CACNA1H: variants seen among roughly 807,000 people sequenced by gnomAD.
CACNA1H encodes the protein calcium voltage-gated channel subunit alpha1 H, also known as voltage-dependent T-type calcium channel subunit alpha-1H.
CACNA1H carries 149 observed loss-of-function variants against 192.5 expected under a neutral mutation model. That is an observed-to-expected ratio of 0.77 (90% CI 0.68 to 0.89). The LOEUF is 0.89. Ranked by LOEUF, CACNA1H falls within the 40% of genes least tolerant of loss-of-function variation. The pLI is 0.00. For missense variants in CACNA1H, 4,257 were observed against 3,423.5 expected (o/e 1.24, Z -6.08); for synonymous variants, 2,202 against 1,475.2 (o/e 1.49, Z -11.29).
intron 30 of CACNA1H, among the ~76,000 whole-genome samples, chr16:1,215,952 G>A (rs1266398831): frequency 1.3e-5 from 2 of 152,070 alleles, no homozygotes; most frequent in African/African-American, 4.8e-5. Context: ...TCGGCTGCGG[G>A]CCCGGGGCCC....
rs534568349 is a variant in CACNA1H, at chr16:1,171,224, ACCT to A, written c.299+17193_299+17195del. ...GCTCACCCCCGCGCCGCCCAGGATC[ACCT>A]CCTCGTGGGGAGGTCTCTCGGGCAG... On this transcript the variant is annotated intron_variant, in intron 2 of 34. Coordinates refer to ENST00000348261, the MANE Select transcript of CACNA1H (RefSeq NM_021098.3). Among the ~76,000 whole-genome samples, 122 of 151,440 alleles carry A rather than the reference ACCT, an allele frequency of 8.1e-4. 1 individual carries two copies. Among genetic ancestry groups the A allele is most frequent in the African/African-American group, 2.6e-3 (109 of 41,192 alleles).
intron 5 of CACNA1H, among the ~76,000 whole-genome samples, chr16:1,196,387 C>T (rs1043710841): frequency 2.6e-5 from 4 of 152,212 alleles, no homozygotes; most frequent in African/African-American, 7.2e-5. Context: ...CCTGGTGTGG[C>T]TCGTGGTGGA....
chr16:1,179,509 A>G lies in CACNA1H; in HGVS notation c.300-15463A>G, dbSNP rs1036572146. On this transcript the variant is annotated intron_variant, in intron 2 of 34. Coordinates refer to ENST00000348261, the MANE Select transcript of CACNA1H (RefSeq NM_021098.3). Reference sequence around the variant, plus strand: ...GCTGGTGTGATCTCGGCTCACCCCAATCTCCGCCTCCCGGGTTCAAGCGAT... The same window carrying G: ...GCTGGTGTGATCTCGGCTCACCCCAGTCTCCGCCTCCCGGGTTCAAGCGAT... Among the ~76,000 whole-genome samples the G allele has an allele frequency of 3.3e-5, 5 of 150,596 alleles. No homozygotes were observed. The East Asian group carries it at 5.9e-4, about 18-fold the overall frequency.
chr16:1,171,150 G>A (rs1964329440), intron 2 of CACNA1H, among the ~76,000 whole-genome samples: 1 of 152,128 alleles, frequency 6.6e-6, no homozygotes, highest in African/African-American at 2.4e-5. Flanking sequence ...CCGCACCCCT[G>A]GGGTGCTCTC....
At chr16:1,154,333 G>A (rs868339661) in intron 2 of CACNA1H, among the ~76,000 whole-genome samples, 3 of 152,160 alleles carry the variant, frequency 2.0e-5, no homozygotes, top group African/African-American at 7.2e-5. Flanking sequence ...GAGGAGTCGG[G>A]GAGGGAGGGA....
intron 2 of CACNA1H, among the ~76,000 whole-genome samples, chr16:1,192,196 C>T (rs1208215687): frequency 6.6e-6 from 1 of 152,234 alleles, no homozygotes; most frequent in Non-Finnish European, 1.5e-5. Context: ...CAGGCCCCCT[C>T]CTGGCTTCCC....
rs556759170 is a variant in CACNA1H, at chr16:1,195,362, G to A, written c.412-70G>A. 3.0e-5 allele frequency: 46 copies of A among 1,541,268 alleles called. 1 individual carries two copies. Among genetic ancestry groups the A allele is most frequent in the South Asian group, 1.8e-4 (15 of 83,582 alleles). The stretch of plus-strand genomic sequence containing the variant: ...GCAAGACTGGGGGCCGGGCTCTTGC[G>A]GGGCTGGGGTTGGGGGTTGTGGGCT... On this transcript the variant is annotated intron_variant, in intron 3 of 34. Transcript: ENST00000348261.
At chr16:1,208,311 C>G (rs1175813206) in intron 16 of CACNA1H, 90 bp downstream of exon 16, 1 of 885,588 alleles carries the variant, frequency 1.1e-6, no homozygotes, top group Admixed American at 2.3e-5. Flanking sequence ...GAGTGAGGGC[C>G]GCACCCCCCA....
chr16:1,219,496 A>G (rs1373527123), intron 34 of CACNA1H, among the ~76,000 whole-genome samples: 2 of 151,972 alleles, frequency 1.3e-5, no homozygotes, highest in East Asian at 3.9e-4. Flanking sequence ...CCATGTGGGC[A>G]TGGGTCCCGT....
In CACNA1H at chr16:1,221,712, G is replaced by A; in HGVS notation, c.*718G>A. On this transcript the variant is annotated 3_prime_UTR_variant, in exon 35 of 35. Transcript: ENST00000348261. ...GCAATAATCTGATGCAGAAGACTCAGCTTCTCAAGGGAGAGGGAGGGGGCG... is the reference window on the plus strand; with the variant it reads ...GCAATAATCTGATGCAGAAGACTCAACTTCTCAAGGGAGAGGGAGGGGGCG... The A allele has an allele frequency of 1.5e-6, 2 of 1,367,004 alleles. No homozygotes were observed. Among genetic ancestry groups the A allele is most frequent in the African/African-American group, 1.4e-5 (1 of 69,186 alleles). The allele number at this position is 1,367,004 out of a possible 1,614,324, so 84.7% of individuals were successfully genotyped here. A position where few individuals can be genotyped will look rare whatever the true frequency, so the allele number is the denominator to read the frequency against.
chr16:1,163,417 T>G (rs1295415820), intron 2 of CACNA1H, among the ~76,000 whole-genome samples: 1 of 152,172 alleles, frequency 6.6e-6, no homozygotes, highest in Non-Finnish European at 1.5e-5. Context: ...GAGTGTCCAG[T>G]GAGCTGCCGG....
In CACNA1H at chr16:1,196,037, C is replaced by G. The variant is rs775579521; in HGVS notation, c.643+14C>G. 6.2e-7 allele frequency: 1 copy of G among 1,603,904 alleles called. No individual in the cohort carries two copies. Among genetic ancestry groups the G allele is most frequent in the South Asian group, 1.1e-5 (1 of 90,898 alleles). On this transcript the variant is annotated intron_variant, in intron 5 of 34. Coordinates refer to ENST00000348261, the MANE Select transcript of CACNA1H (RefSeq NM_021098.3). ...ACCGCGTGCCTAGTAAGTGACCGGC[C>G]CCGACTGGGCTTGAGATCAACAGGC...
chr16:1,195,935 G>C lies in CACNA1H; in HGVS notation c.555G>C (p.Glu185Asp), dbSNP rs61700478. 1.9e-6 allele frequency: 3 copies of C among 1,612,950 alleles called. No individual in the cohort carries two copies. Residue 185 changes from glutamate to aspartate, a missense_variant, in exon 5 of 35, where the codon GAG (glutamate) becomes GAC (aspartate). By Grantham distance (45) the Glu-to-Asp change is conservative. Coordinates refer to ENST00000348261, the MANE Select transcript of CACNA1H (RefSeq NM_021098.3). ...TCGGCCCCGCCCCCAGCATGATGGA[G>C]TACTCGTTGGACGGACACAACGTGA... ...DFFIVVAGMM[E>D]YSLDGHNVSL... is the part of the protein sequence containing the mutation.
chr16:1,182,138 C>G (rs1455058899), intron 2 of CACNA1H, among the ~76,000 whole-genome samples: 1 of 152,182 alleles, frequency 6.6e-6, no homozygotes, highest in South Asian at 2.1e-4. Context: ...GAGCAGGGTC[C>G]GTGCCTGAGA....
chr16:1,212,648 G>A, intron 26 of CACNA1H, 120 bp downstream of exon 26: 1 of 1,262,992 alleles, frequency 7.9e-7, no homozygotes, highest in South Asian at 1.3e-5. Context: ...CGGAGGTGCT[G>A]GGCGTGTGGC....
At position 1,215,063 on chromosome 16, in the gene CACNA1H, G is replaced by C. The variant is rs369914175; in HGVS notation, c.5021G>C (p.Arg1674Pro). The C allele has an allele frequency of 1.9e-6, 3 of 1,612,270 alleles. No individual in the cohort carries two copies. The African/African-American group carries it at 4.0e-5, about 22-fold the overall frequency. The change falls in exon 28 of 35, where the codon CGT becomes CCT. Residue 1674 changes from arginine to proline, a missense_variant. Coordinates refer to ENST00000348261, the MANE Select transcript of CACNA1H (RefSeq NM_021098.3). ...CTGAAGCTGGTAGCATTTGGGTTCC[G>C]TCGGTTCTTCAAGGACAGGTGTGTG... ...AALKLVAFGF[R>P]RFFKDRWNQL...
At chr16:1,182,451 C>T (rs527858087) in intron 2 of CACNA1H, among the ~76,000 whole-genome samples, 2 of 152,266 alleles carry the variant, frequency 1.3e-5, no homozygotes, top group East Asian at 3.9e-4. Flanking sequence ...GGGGGCGGTG[C>T]TCTCCCACGG....
At chr16:1,179,498 G>A (rs1386355725) in intron 2 of CACNA1H, among the ~76,000 whole-genome samples, 1 of 151,790 alleles carries the variant, frequency 6.6e-6, no homozygotes, top group Non-Finnish European at 1.5e-5. Flanking sequence ...GTGTGATCTC[G>A]GCTCACCCCA....
chr16:1,167,228 G>T lies in CACNA1H; in HGVS notation c.299+13192G>T, dbSNP rs372486591. Among the ~76,000 whole-genome samples, 13 of 152,316 alleles carry T rather than the reference G, an allele frequency of 8.5e-5. No homozygotes were observed. In the South Asian group the frequency reaches 1.7e-3, roughly 19 times the overall value. ...GGATGAAACGGGCTCTTTGCGGGGGGCCTGTGGGGTATGGGCCTCCTGTCA... is the reference window on the plus strand; with the variant it reads ...GGATGAAACGGGCTCTTTGCGGGGGTCCTGTGGGGTATGGGCCTCCTGTCA... On this transcript the variant is annotated intron_variant, in intron 2 of 34. Transcript: ENST00000348261. The surrounding 1 kb of genome is among the most constrained non-coding windows in gnomAD (Gnocchi z 4.2).
Sources: allele counts gnomAD v4.1 joint callset (sites outside exome capture counted in the v4.1 genomes callset), GRCh38; gene constraint gnomAD v4.1.1; non-coding constraint Gnocchi (gnomAD v3.1); transcripts MANE v1.5; gene names NCBI Gene and HGNC (gene_info 2026-07-23, HGNC 2026-07-21).